Variants in DTNBP1 observed in about 807,000 individuals in gnomAD.
The protein encoded by DTNBP1 is dysbindin.
DTNBP1 carries 35 observed loss-of-function variants against 42.8 expected under a neutral mutation model. The ratio of observed to expected loss-of-function variants is 0.82; its 90% CI spans 0.63 to 1.09. The LOEUF (loss-of-function observed/expected upper bound fraction) is 1.09, where lower values mean the gene tolerates loss of function less well. DTNBP1 is among the 50% of genes least tolerant of loss of function. DTNBP1 has a pLI of 0.00. For synonymous variants in DTNBP1, 171 were observed against 162.2 expected (o/e 1.05, Z -0.41); for missense variants, 457 against 424.2 (o/e 1.08, Z -0.68).
At chr6:15,647,787 T>C (rs1760770864) in intron 3 of DTNBP1, among the ~76,000 whole-genome samples, 2 of 151,732 alleles carry the variant, frequency 1.3e-5, no homozygotes, top group Admixed American at 1.3e-4. Context: ...CAAGATGAAA[T>C]ACCCTGGACT....
At chr6:15,636,180 A>C (rs1436971208) in intron 4 of DTNBP1, among the ~76,000 whole-genome samples, 1 of 50,222 alleles carries the variant, frequency 2.0e-5, no homozygotes, top group African/African-American at 1.3e-4. Context: ...TTTGAGACAG[A>C]GTTTCTGTCA....
intron 7 of DTNBP1, among the ~76,000 whole-genome samples, chr6:15,567,098 T>C (rs1261444335): frequency 6.6e-6 from 1 of 152,182 alleles, no homozygotes; most frequent in Non-Finnish European, 1.5e-5. Context: ...AATGGAAACA[T>C]TTGCCATCTA....
At chr6:15,565,857 T>C (rs568360059) in intron 7 of DTNBP1, among the ~76,000 whole-genome samples, 13 of 152,352 alleles carry the variant, frequency 8.5e-5, no homozygotes, top group African/African-American at 2.2e-4. Flanking sequence ...ATAAAACTGT[T>C]TGAAAACAAA....
intron 4 of DTNBP1, among the ~76,000 whole-genome samples, chr6:15,632,964 CTT>C (rs1759776998): frequency 6.6e-6 from 1 of 152,126 alleles, no homozygotes; most frequent in African/African-American, 2.4e-5. Context: ...TATAGGAAAA[CTT>C]TATATTTAAG....
At chr6:15,538,833 AC>A (rs1191096327) in intron 7 of DTNBP1, among the ~76,000 whole-genome samples, 1 of 152,202 alleles carries the variant, frequency 6.6e-6, no homozygotes, top group East Asian at 1.9e-4. Flanking sequence ...CCTGGGATAC[AC>A]TGTAACAAAC....
chr6:15,631,795 T>C (rs1339005030), intron 4 of DTNBP1, among the ~76,000 whole-genome samples: 1 of 152,222 alleles, frequency 6.6e-6, no homozygotes, highest in African/African-American at 2.4e-5. Context: ...AGCAGAATTG[T>C]TGCTTGAAAG....
At chr6:15,577,887 C>T (rs1775648786) in intron 7 of DTNBP1, among the ~76,000 whole-genome samples, 2 of 152,166 alleles carry the variant, frequency 1.3e-5, no homozygotes, top group African/African-American at 4.8e-5. Flanking sequence ...AAGTGTAGTT[C>T]TCCAAGTGTA....
At position 15,662,930 on chromosome 6, in the gene DTNBP1, T is replaced by C; in HGVS notation, c.-61A>G. 1 of 1,595,032 alleles carries C rather than the reference T, an allele frequency of 6.3e-7. No individual in the cohort carries two copies. The highest frequency in any genetic ancestry group is 8.5e-7 in the Non-Finnish European group (1 of 1,175,914). On this transcript the variant is annotated 5_prime_UTR_variant, in exon 1 of 10. Coordinates refer to ENST00000344537, the MANE Select transcript of DTNBP1 (RefSeq NM_032122.5). ...GGCTGCTGCTGCCTCTGTCGCCCCC[T>C]GGGTCCCACGCCGCCAACCCCGCGC...
chr6:15,618,624 G>A (rs762744574), intron 5 of DTNBP1, among the ~76,000 whole-genome samples: 36 of 151,896 alleles, frequency 2.4e-4, no homozygotes, highest in Non-Finnish European at 3.1e-4. Context: ...CGCTGTTGTC[G>A]GGAATTTAAA....
intron 9 of DTNBP1, 133 bp downstream of exon 9, chr6:15,524,393 G>C (rs1772197178): frequency 6.2e-7 from 1 of 1,613,984 alleles, no homozygotes; most frequent in African/African-American, 1.3e-5. Flanking sequence ...CGTGGGGTTA[G>C]GGAGCCAGGA....
chr6:15,608,653 G>C (rs932987290), intron 6 of DTNBP1, among the ~76,000 whole-genome samples: 1 of 152,208 alleles, frequency 6.6e-6, no homozygotes, highest in African/African-American at 2.4e-5. Context: ...GGAGCTTCCT[G>C]ACAAAGTGTC....
chr6:15,575,599 G>A (rs1408287454), intron 7 of DTNBP1, among the ~76,000 whole-genome samples: 2 of 152,242 alleles, frequency 1.3e-5, no homozygotes, highest in African/African-American at 4.8e-5. Context: ...TGTGGGACCT[G>A]GAGGCCAAAA....
intron 8 of DTNBP1, among the ~76,000 whole-genome samples, chr6:15,527,398 C>T (rs1481688620): frequency 6.6e-6 from 1 of 152,158 alleles, no homozygotes; most frequent in Non-Finnish European, 1.5e-5. Flanking sequence ...GCTAGGAAAA[C>T]TTTCACACAT....
intron 3 of DTNBP1, among the ~76,000 whole-genome samples, chr6:15,641,367 G>A (rs1464726850): frequency 6.6e-6 from 1 of 152,178 alleles, no homozygotes; most frequent in African/African-American, 2.4e-5. Context: ...GAGTGCCCAA[G>A]GGAAGAAGCT....
rs571405519 is a variant in DTNBP1, at chr6:15,543,351, T to C, written c.512-9956A>G. 2.0e-5 allele frequency among the ~76,000 whole-genome samples: 3 copies of C among 152,330 alleles called. No individual in the cohort carries two copies. The East Asian group carries it at 5.8e-4, about 29-fold the overall frequency. On this transcript the variant is annotated intron_variant, in intron 7 of 9. Coordinates refer to ENST00000344537, the MANE Select transcript of DTNBP1 (RefSeq NM_032122.5). ...TAAGGTCAAAACCCAACAATTAACA[T>C]GGGTACAATCCACAAAGCTTATTCA...
In DTNBP1 at chr6:15,604,303, G is replaced by T. The variant is rs547778358; in HGVS notation, c.488+10964C>A. 4.6e-5 allele frequency among the ~76,000 whole-genome samples: 7 copies of T among 152,308 alleles called. No individual in the cohort carries two copies. The East Asian group carries it at 1.3e-3, about 29-fold the overall frequency. ...CCTTTTTGTAAAGTCATTGCCTGCG[G>T]AAAAGTTCTCCTGCTCCCCTTTTCA... is the stretch of plus-strand genomic sequence containing the variant. On this transcript the variant is annotated intron_variant, in intron 6 of 9. Transcript: ENST00000344537.
Position 15,620,992 on chromosome 6 carries a change from TAA to T in DTNBP1, c.356-5595_356-5594del, listed in dbSNP as rs372162261. Reference sequence around the variant, plus strand: ...AAATAGAGAAAATTTTTAGATTAGCTAAGTTTTATATTTAATAAAAGTGATTG... The same window carrying T: ...AAATAGAGAAAATTTTTAGATTAGCTGTTTTATATTTAATAAAAGTGATTG... On this transcript the variant is annotated intron_variant, in intron 5 of 9. Coordinates refer to ENST00000344537, the MANE Select transcript of DTNBP1 (RefSeq NM_032122.5). Among the ~76,000 whole-genome samples the T allele has an allele frequency of 4.9e-4, 75 of 152,356 alleles. 1 individual carries two copies. The East Asian group carries it at 0.013, about 26-fold the overall frequency.
At chr6:15,614,065 C>G (rs1009762153) in intron 6 of DTNBP1, among the ~76,000 whole-genome samples, 2 of 152,166 alleles carry the variant, frequency 1.3e-5, no homozygotes, top group African/African-American at 4.8e-5. Context: ...CCAGGTGACT[C>G]TTATGGCTCA....
rs1024067462 is a variant in DTNBP1, at chr6:15,524,622, C to G, written c.715G>C (p.Glu239Gln). Residue 239 changes from glutamate (E) to glutamine (Q), a missense_variant, in exon 9 of 10, where the codon GAG (glutamate) becomes CAG (glutamine). By Grantham distance (29) the Glu-to-Gln change is conservative. Coordinates refer to ENST00000344537, the MANE Select transcript of DTNBP1 (RefSeq NM_032122.5). The part of the protein sequence containing the change: ...SSMEVNVDML[E>Q]QMDLMDISDQ... ...GATATGTCCATCAGGTCCATCTGCT[C>G]CAGCATGTCCACGTTCACTTCCATG... is the stretch of plus-strand genomic sequence containing the variant. The G allele has an allele frequency of 4.3e-6, 7 of 1,613,890 alleles. No individual in the cohort carries two copies. The highest frequency in any genetic ancestry group is 5.9e-6 in the Non-Finnish European group (7 of 1,179,982).
Sources: gnomAD v4.1 joint callset for allele counts (sites outside exome capture counted in the v4.1 genomes callset) on GRCh38, gnomAD v4.1.1 for gene constraint, MANE v1.5 for transcripts, NCBI Gene and HGNC (gene_info 2026-07-23, HGNC 2026-07-21) for gene names.